Variants in MYO5B observed in about 807,000 individuals in gnomAD.
MYO5B encodes the protein myosin VB, also known as unconventional myosin-Vb.
MYO5B carries 143 observed loss-of-function variants against 229.3 expected under a neutral mutation model. The observed-to-expected ratio is 0.62, with a 90% CI of 0.54 to 0.72. The LOEUF (loss-of-function observed/expected upper bound fraction) is 0.72, where lower values mean the gene tolerates loss of function less well. Ranked by LOEUF, MYO5B falls within the 30% of genes least tolerant of loss-of-function variation. The probability of loss-of-function intolerance (pLI) is 0.00; values close to 1 mark genes in which losing one functional copy is unlikely to be tolerated. For synonymous variants in MYO5B, 918 were observed against 885.2 expected (o/e 1.04, Z -0.66); for missense variants, 2,321 against 2,331.0 (o/e 1.00, Z 0.09).
chr18:50,150,575 T>G (rs950998375), intron 1 of MYO5B, among the ~76,000 whole-genome samples: 17 of 151,460 alleles, frequency 1.1e-4, no homozygotes, highest in Admixed American at 6.6e-5. Flanking sequence ...CAGTAAACTA[T>G]CGCAAGAACA....
chr18:50,103,814 CTT>C (rs2031700449), intron 1 of MYO5B, among the ~76,000 whole-genome samples: 1 of 152,068 alleles, frequency 6.6e-6, no homozygotes, highest in African/African-American at 2.4e-5. Context: ...ACCAATCACT[CTT>C]TGAAACTTCA....
At chr18:49,995,137 G>A (rs1400101235) in intron 5 of MYO5B, among the ~76,000 whole-genome samples, 1 of 152,110 alleles carries the variant, frequency 6.6e-6, no homozygotes, top group Non-Finnish European at 1.5e-5. Context: ...TCCATACTCT[G>A]TCTCCTCCAA....
intron 28 of MYO5B, 90 bp downstream of exon 28, chr18:49,864,051 A>T: frequency 6.4e-7 from 1 of 1,570,178 alleles, no homozygotes; most frequent in Non-Finnish European, 8.6e-7. Flanking sequence ...CAGGTTTTAG[A>T]CCCTCGTGGG....
At chr18:50,117,113 A>G (rs757037746) in intron 1 of MYO5B, among the ~76,000 whole-genome samples, 1 of 152,172 alleles carries the variant, frequency 6.6e-6, no homozygotes, top group Non-Finnish European at 1.5e-5. Flanking sequence ...CATTTCAAAA[A>G]TGCCCTTTTT....
intron 1 of MYO5B, among the ~76,000 whole-genome samples, chr18:50,066,616 G>C (rs1242779761): frequency 6.6e-6 from 1 of 152,136 alleles, no homozygotes; most frequent in Admixed American, 6.5e-5. Flanking sequence ...TAAAATTCTA[G>C]GATATCAGAA....
At chr18:49,960,801 C>A (rs1243853459) in intron 12 of MYO5B, among the ~76,000 whole-genome samples, 1 of 152,198 alleles carries the variant, frequency 6.6e-6, no homozygotes, top group Non-Finnish European at 1.5e-5. Flanking sequence ...TGGCAGGAAA[C>A]CCAGGCTTTC....
chr18:50,110,720 C>T (rs1456810915), intron 1 of MYO5B, among the ~76,000 whole-genome samples: 1 of 152,148 alleles, frequency 6.6e-6, no homozygotes, highest in Non-Finnish European at 1.5e-5. Flanking sequence ...CATTAGTAAA[C>T]AATTTCCAAA....
chr18:49,877,954 G>A (rs1346651973), intron 24 of MYO5B, 72 bp from the exon 25 acceptor site: 1 of 1,578,564 alleles, frequency 6.3e-7, no homozygotes, highest in Non-Finnish European at 8.7e-7. Context: ...CATGGTGGCA[G>A]GCCCTAGAGT....
intron 12 of MYO5B, among the ~76,000 whole-genome samples, chr18:49,959,535 G>A (rs1199937130): frequency 6.6e-6 from 1 of 152,188 alleles, no homozygotes; most frequent in Non-Finnish European, 1.5e-5. Context: ...TCCCCACTGA[G>A]TGAGCTGATT....
At chr18:49,883,323 C>G (rs934477880) in intron 22 of MYO5B, among the ~76,000 whole-genome samples, 3 of 151,222 alleles carry the variant, frequency 2.0e-5, no homozygotes, top group African/African-American at 7.4e-5. Flanking sequence ...TTTCAATATA[C>G]AAAACTCAAT....
intron 1 of MYO5B, among the ~76,000 whole-genome samples, chr18:50,074,505 C>A (rs189993719): frequency 3.2e-4 from 49 of 152,184 alleles, no homozygotes; most frequent in African/African-American, 1.2e-3. Flanking sequence ...TCCTCTCTAC[C>A]AACCTCATCT....
intron 27 of MYO5B, among the ~76,000 whole-genome samples, chr18:49,867,566 G>C (rs917801898): frequency 2.6e-5 from 4 of 152,074 alleles, no homozygotes; most frequent in Non-Finnish European, 5.9e-5. Context: ...CATTGGACTG[G>C]GCAGGAAACC....
At chr18:49,915,587 G>A (rs748258601) in intron 17 of MYO5B, among the ~76,000 whole-genome samples, 1 of 152,234 alleles carries the variant, frequency 6.6e-6, no homozygotes, top group Non-Finnish European at 1.5e-5. Context: ...TGTCCCTCTA[G>A]TAGTGGAAAG....
At position 50,100,833 on chromosome 18, in the gene MYO5B, G is replaced by A. The variant is rs552545569; in HGVS notation, c.28-45455C>T. Among the ~76,000 whole-genome samples the A allele has an allele frequency of 1.2e-4, 19 of 152,316 alleles. No individual in the cohort carries two copies. The South Asian group carries it at 2.9e-3, about 23-fold the overall frequency. ...AGAGCATGGCAAGACCCCTAGATGC[G>A]GAAGTGGCTGAGGGAGAGCTGGAGC... On this transcript the variant is annotated intron_variant, in intron 1 of 39. Transcript: ENST00000285039.
intron 12 of MYO5B, among the ~76,000 whole-genome samples, chr18:49,961,893 G>A (rs995527611): frequency 1.3e-5 from 2 of 152,164 alleles, no homozygotes; most frequent in Admixed American, 6.5e-5. Context: ...GCCATCTGAC[G>A]TGGCATTAGC....
At chr18:49,848,094 C>CGT (rs1460182947) in intron 32 of MYO5B, among the ~76,000 whole-genome samples, 1 of 152,222 alleles carries the variant, frequency 6.6e-6, no homozygotes, top group Non-Finnish European at 1.5e-5. Flanking sequence ...TGACTGCACA[C>CGT]GGGACGCTGT....
chr18:49,955,959 C>T (rs768288404), intron 12 of MYO5B, among the ~76,000 whole-genome samples: 7 of 152,262 alleles, frequency 4.6e-5, no homozygotes, highest in Middle Eastern at 3.4e-3. Context: ...TAGGCAAACA[C>T]GTAAAATTGG....
chr18:49,941,855 A>C (rs1260651773), intron 14 of MYO5B, among the ~76,000 whole-genome samples: 1 of 145,464 alleles, frequency 6.9e-6, no homozygotes, highest in African/African-American at 2.6e-5. Context: ...ACCAAAAAAG[A>C]GCCCGCATTG....
At chr18:50,056,073 C>A (rs556602256) in intron 1 of MYO5B, among the ~76,000 whole-genome samples, 160 of 152,256 alleles carry the variant, frequency 1.1e-3, no homozygotes, top group African/African-American at 3.7e-3. Context: ...CTATGCCAGG[C>A]CTATTTGTCC....
Sources: gnomAD v4.1 joint callset for allele counts (sites outside exome capture counted in the v4.1 genomes callset) on GRCh38, gnomAD v4.1.1 for gene constraint, MANE v1.5 for transcripts, NCBI Gene and HGNC (gene_info 2026-07-23, HGNC 2026-07-21) for gene names.